STXBP5L: variants seen among roughly 807,000 people sequenced by gnomAD.
The protein encoded by STXBP5L is syntaxin binding protein 5L.
A neutral mutation model predicts 144.5 loss-of-function variants in STXBP5L; 65 were observed. The ratio of observed to expected loss-of-function variants is 0.45; its 90% CI spans 0.37 to 0.55. The LOEUF (loss-of-function observed/expected upper bound fraction) is 0.55, where lower values mean the gene tolerates loss of function less well. Ranked by LOEUF, STXBP5L falls within the 20% of genes least tolerant of loss-of-function variation. STXBP5L has a pLI of 0.00. For missense variants in STXBP5L, 1,298 were observed against 1,405.5 expected, an observed-to-expected ratio of 0.92 and a Z score of 1.22; for synonymous variants, 505 against 469.6, an observed-to-expected ratio of 1.08 and a Z score of -0.97.
intron 5 of STXBP5L, among the ~76,000 whole-genome samples, chr3:121,098,219 T>C (rs540840854): frequency 6.6e-6 from 1 of 152,130 alleles, no homozygotes; most frequent in African/African-American, 2.4e-5. Flanking sequence ...GGGATATGTA[T>C]TTTGGCTCAC....
At chr3:121,310,219 G>A (rs1017392872) in intron 19 of STXBP5L, among the ~76,000 whole-genome samples, 1 of 152,154 alleles carries the variant, frequency 6.6e-6, no homozygotes, top group Non-Finnish European at 1.5e-5. Flanking sequence ...TCATAGGTTT[G>A]GCACTGACTA....
intron 19 of STXBP5L, among the ~76,000 whole-genome samples, chr3:121,294,089 A>G (rs1350121736): frequency 6.6e-6 from 1 of 152,232 alleles, no homozygotes; most frequent in Non-Finnish European, 1.5e-5. Flanking sequence ...GCTTTGATTT[A>G]TGCTATAAAT....
At chr3:121,041,893 C>A (rs1947183639) in intron 4 of STXBP5L, 112 bp downstream of exon 4, 1 of 662,468 alleles carries the variant, frequency 1.5e-6, no homozygotes, top group Non-Finnish European at 2.7e-6. Flanking sequence ...TATATGCATG[C>A]AATATTACTT....
chr3:121,302,485 C>CA (rs1248428794), intron 19 of STXBP5L, among the ~76,000 whole-genome samples: 1 of 151,894 alleles, frequency 6.6e-6, no homozygotes, highest in Non-Finnish European at 1.5e-5. Context: ...TGATCTTTTC[C>CA]AAAAACCAGC....
intron 2 of STXBP5L, among the ~76,000 whole-genome samples, chr3:120,944,188 T>A (rs1421863582): frequency 6.6e-6 from 1 of 151,300 alleles, no homozygotes; most frequent in African/African-American, 2.4e-5. Context: ...TCCTTTTTTT[T>A]TCCCTTTGGA....
intron 7 of STXBP5L, among the ~76,000 whole-genome samples, chr3:121,148,024 T>C (rs1282790388): frequency 6.6e-6 from 1 of 152,006 alleles, no homozygotes; most frequent in East Asian, 1.9e-4. Context: ...ATCTCCTGCT[T>C]GCCAGCTCAC....
chr3:121,196,991 T>C lies in STXBP5L; in HGVS notation c.878-8932T>C, dbSNP rs536348542. On this transcript the variant is annotated intron_variant, in intron 9 of 26. Transcript: ENST00000471454. ...ACCCACTGGGCTCAGCCTTTTTTTC[T>C]TTTCTTTTCTTCTCTTTTCCTTTCT... is the stretch of plus-strand genomic sequence containing the variant. Among the ~76,000 whole-genome samples, 48 of 152,282 alleles carry C rather than the reference T, an allele frequency of 3.2e-4. No individual in the cohort carries two copies. The South Asian group carries it at 9.7e-3, about 31-fold the overall frequency.
At position 121,422,933 on chromosome 3, in the gene STXBP5L, A is replaced by C. The variant is rs2047383686; in HGVS notation, c.*3836A>C. On this transcript the variant is annotated 3_prime_UTR_variant, in exon 27 of 27. Transcript: ENST00000471454. ...CTTTGAGAGAAAAAAGAATCAGATTAGGCCTAACATTGGTTGAAGAAGATT... is the reference window on the plus strand; with the variant it reads ...CTTTGAGAGAAAAAAGAATCAGATTCGGCCTAACATTGGTTGAAGAAGATT... 1 of 152,118 alleles carries C rather than the reference A, an allele frequency of 6.6e-6. No individual in the cohort carries two copies. The highest frequency in any genetic ancestry group is 6.6e-5 in the Admixed American group (1 of 15,260). The allele number at this position is 152,118 out of a possible 1,614,324, so 9.4% of individuals were successfully genotyped here.
At chr3:120,990,254 C>G (rs374201355) in intron 3 of STXBP5L, among the ~76,000 whole-genome samples, 1 of 151,954 alleles carries the variant, frequency 6.6e-6, no homozygotes, top group Non-Finnish European at 1.5e-5. Context: ...TTACAAGGGA[C>G]GTGAAGGACC....
At chr3:121,022,009 A>T (rs962160582) in intron 3 of STXBP5L, among the ~76,000 whole-genome samples, 1 of 152,182 alleles carries the variant, frequency 6.6e-6, no homozygotes, top group African/African-American at 2.4e-5. Context: ...AATAAAATTG[A>T]TAGGCCATTA....
At chr3:121,068,746 G>T (rs139745265) in intron 5 of STXBP5L, among the ~76,000 whole-genome samples, 4 of 151,854 alleles carry the variant, frequency 2.6e-5, no homozygotes, top group Non-Finnish European at 4.4e-5. Flanking sequence ...ATATTTATCA[G>T]CATATGTATT....
chr3:121,284,136 G>T (rs2051154673), intron 19 of STXBP5L, among the ~76,000 whole-genome samples: 1 of 151,946 alleles, frequency 6.6e-6, no homozygotes, highest in Admixed American at 6.6e-5. Context: ...AAAGTTCTGA[G>T]AAATCTCAAT....
chr3:121,059,522 G>A (rs2041151453), intron 5 of STXBP5L, among the ~76,000 whole-genome samples: 2 of 152,100 alleles, frequency 1.3e-5, no homozygotes, highest in Admixed American at 6.6e-5. Flanking sequence ...AATGTCAGTG[G>A]TAGCTTGATG....
At chr3:121,038,304 A>C (rs890271277) in intron 3 of STXBP5L, among the ~76,000 whole-genome samples, 4 of 151,980 alleles carry the variant, frequency 2.6e-5, no homozygotes, top group African/African-American at 9.6e-5. Flanking sequence ...GTGCTGCTTT[A>C]GCTGCATCTC....
At chr3:120,939,352 G>A (rs1423008858) in intron 2 of STXBP5L, among the ~76,000 whole-genome samples, 1 of 152,156 alleles carries the variant, frequency 6.6e-6, no homozygotes, top group Admixed American at 6.6e-5. Context: ...AAGAAAGAAA[G>A]ACATGGACTA....
chr3:120,990,416 C>G (rs961769243), intron 3 of STXBP5L, among the ~76,000 whole-genome samples: 14 of 152,174 alleles, frequency 9.2e-5, no homozygotes, highest in African/African-American at 1.4e-4. Flanking sequence ...CCATCCCCAT[C>G]AAGCTACCAA....
chr3:121,349,667 A>G (rs1486458433), intron 20 of STXBP5L, among the ~76,000 whole-genome samples: 4 of 152,018 alleles, frequency 2.6e-5, no homozygotes, highest in Non-Finnish European at 5.9e-5. Context: ...TATATTTAGG[A>G]TAGTTAGCTC....
intron 3 of STXBP5L, among the ~76,000 whole-genome samples, chr3:121,038,216 C>T (rs1446219596): frequency 6.6e-6 from 1 of 151,690 alleles, no homozygotes; most frequent in Non-Finnish European, 1.5e-5. Context: ...TTTCTACCTT[C>T]TTAAGATGAA....
At chr3:121,043,017 T>C in intron 4 of STXBP5L, among the ~76,000 whole-genome samples, 1 of 152,034 alleles carries the variant, frequency 6.6e-6, no homozygotes, top group East Asian at 1.9e-4. Flanking sequence ...TTTGTTTCCA[T>C]GTGATTTGTA....
Sources: gnomAD v4.1 joint callset for allele counts (sites outside exome capture counted in the v4.1 genomes callset) on GRCh38, gnomAD v4.1.1 for gene constraint, MANE v1.5 for transcripts, NCBI Gene and HGNC (gene_info 2026-07-23, HGNC 2026-07-21) for gene names.